Variants in PREX2 observed in about 807,000 individuals in gnomAD.
PREX2 encodes phosphatidylinositol-3,4,5-trisphosphate dependent Rac exchange factor 2.
In PREX2, 107 loss-of-function variants were observed where a neutral mutation model predicts 203.2. The observed-to-expected ratio is 0.53, with a 90% CI of 0.45 to 0.62. The LOEUF is 0.62. Ranked by LOEUF, PREX2 falls within the 20% of genes least tolerant of loss-of-function variation. The pLI is 0.00. For missense variants in PREX2, 1,777 were observed against 1,955.9 expected (o/e 0.91, Z 1.72); for synonymous variants, 672 against 663.6 (o/e 1.01, Z -0.19).
intron 37 of PREX2, among the ~76,000 whole-genome samples, chr8:68,193,299 A>G (rs912035286): frequency 6.6e-6 from 1 of 152,210 alleles, no homozygotes; most frequent in Non-Finnish European, 1.5e-5. Flanking sequence ...GTCATGAGAC[A>G]GCCTCTTCTT....
chr8:68,124,810 T>C (rs114286246), intron 30 of PREX2, among the ~76,000 whole-genome samples: 1,563 of 152,194 alleles, frequency 0.01, 33 homozygotes, highest in African/African-American at 0.036. Flanking sequence ...ATTGATGGAT[T>C]GATTGATATG....
intron 1 of PREX2, among the ~76,000 whole-genome samples, chr8:67,968,022 ATG>A (rs1805823091): frequency 1.3e-5 from 2 of 151,572 alleles, no homozygotes; most frequent in African/African-American, 4.9e-5. Flanking sequence ...AGGTATGCAT[ATG>A]TAACAAACCT....
At position 68,192,327 on chromosome 8, in the gene PREX2, TTCTGCAGCTAATGAGGCC is replaced by T; in HGVS notation, c.4414-4_4427del. 1 of 1,576,142 alleles carries T rather than the reference TTCTGCAGCTAATGAGGCC, an allele frequency of 6.3e-7. No individual in the cohort carries two copies. The highest frequency in any genetic ancestry group is 1.7e-4 in the Middle Eastern group (1 of 5,872). ...TTGAACTTGACGTTCATCACTTTTT[TTCTGCAGCTAATGAGGCC>T]TCTCAACGCTTTGGATGAACTTTAC... On this transcript the variant is annotated splice_acceptor_variant and splice_polypyrimidine_tract_variant and coding_sequence_variant and intron_variant, in exon 37 of 40. Transcript: ENST00000288368. LOFTEE classifies it high-confidence loss of function.
chr8:68,179,908 G>GA (rs201566286), intron 35 of PREX2, among the ~76,000 whole-genome samples: 3 of 151,768 alleles, frequency 2.0e-5, no homozygotes, highest in African/African-American at 4.8e-5. Flanking sequence ...AAGAACAAGT[G>GA]AAAAAAAATC....
chr8:68,065,736 A>G (rs1257710750), intron 11 of PREX2, among the ~76,000 whole-genome samples: 2 of 152,212 alleles, frequency 1.3e-5, no homozygotes, highest in Non-Finnish European at 2.9e-5. Flanking sequence ...TCTTCTACAA[A>G]TGTTGCATTC....
At chr8:68,208,159 G>T (rs181598579) in intron 37 of PREX2, among the ~76,000 whole-genome samples, 130 of 152,282 alleles carry the variant, frequency 8.5e-4, no homozygotes, top group Non-Finnish European at 1.2e-3. Context: ...GGCAGGAGAT[G>T]ATATTAGTGC....
Position 67,964,090 on chromosome 8 carries a change from A to G in PREX2, c.141+11555A>G, listed in dbSNP as rs547719175. The stretch of plus-strand genomic sequence containing the variant: ...TTAGAGAAGGTGGGGGAACCAGTAT[A>G]GTAGGGTGTTGTCCTTTTCCCTATG... On this transcript the variant is annotated intron_variant, in intron 1 of 39. Transcript: ENST00000288368. Among the ~76,000 whole-genome samples the G allele has an allele frequency of 3.9e-5, 6 of 152,322 alleles. No homozygotes were observed. The South Asian group carries it at 1.2e-3, about 32-fold the overall frequency.
chr8:68,001,493 G>T (rs935957876), intron 1 of PREX2, among the ~76,000 whole-genome samples: 4 of 152,178 alleles, frequency 2.6e-5, no homozygotes, highest in African/African-American at 9.7e-5. Context: ...CACACTGTTG[G>T]TGGGAGTGTG....
chr8:67,990,484 G>A (rs552584206), intron 1 of PREX2, among the ~76,000 whole-genome samples: 4 of 149,152 alleles, frequency 2.7e-5, no homozygotes, highest in South Asian at 4.3e-4. Context: ...TTTTAAAAAC[G>A]TGCTCCCAGG....
At chr8:67,972,065 G>A (rs73256060) in intron 1 of PREX2, among the ~76,000 whole-genome samples, 2,133 of 152,302 alleles carry the variant, frequency 0.014, 50 homozygotes, top group African/African-American at 0.043. Flanking sequence ...ACTGATTTCT[G>A]TAAAGCCACT....
chr8:68,099,575 A>G, intron 22 of PREX2, 107 bp from the exon 23 acceptor site: 1 of 1,075,548 alleles, frequency 9.3e-7, no homozygotes, highest in Non-Finnish European at 1.3e-6. Flanking sequence ...TGAAAATTTG[A>G]TATGGCTACT....
intron 3 of PREX2, 24 bp downstream of exon 3, chr8:68,019,695 T>C (rs777545518): frequency 6.3e-7 from 1 of 1,591,796 alleles, no homozygotes; most frequent in South Asian, 1.2e-5. Context: ...CTTTTTATTT[T>C]AAAAGTTCTT....
At chr8:68,053,293 T>A in intron 9 of PREX2, 47 bp downstream of exon 9, 1 of 1,585,736 alleles carries the variant, frequency 6.3e-7, no homozygotes, top group Non-Finnish European at 8.6e-7. Context: ...AGACTCTAAC[T>A]TAGCATAGGA....
chr8:68,146,358 C>G lies in PREX2; in HGVS notation c.4231+6C>G. 1 of 1,607,858 alleles carries G rather than the reference C, an allele frequency of 6.2e-7. No homozygotes were observed. Among genetic ancestry groups the G allele is most frequent in the Non-Finnish European group, 8.5e-7 (1 of 1,177,040 alleles). ...TCCTGTTCTTTTTGCACAAGGTAAA[C>G]TGTTTCTCTTTTGATGGCTGCTATA... On this transcript the variant is annotated splice_donor_region_variant and intron_variant, in intron 34 of 39. Transcript: ENST00000288368.
chr8:68,060,796 T>A lies in PREX2; in HGVS notation c.1339+17T>A. 1 of 1,495,538 alleles carries A rather than the reference T, an allele frequency of 6.7e-7. No homozygotes were observed. The highest frequency in any genetic ancestry group is 9.2e-7 in the Non-Finnish European group (1 of 1,083,916). The allele number at this position is 1,495,538 out of a possible 1,614,324, so 92.6% of individuals were successfully genotyped here. A position where few individuals can be genotyped will look rare whatever the true frequency, so the allele number is the denominator to read the frequency against. Reference sequence around the variant, plus strand: ...TTCACCATGGTAATTACTTTATTATTAATTACTTATTTAATGCATTTATTG... The same window carrying A: ...TTCACCATGGTAATTACTTTATTATAAATTACTTATTTAATGCATTTATTG... On this transcript the variant is annotated intron_variant, in intron 11 of 39. Transcript: ENST00000288368.
intron 5 of PREX2, among the ~76,000 whole-genome samples, chr8:68,030,122 T>C (rs1489037426): frequency 6.6e-6 from 1 of 152,160 alleles, no homozygotes; most frequent in African/African-American, 2.4e-5. Flanking sequence ...TAAAGATTTG[T>C]TATTCTGTTA....
chr8:67,975,849 G>A (rs1400520226), intron 1 of PREX2, among the ~76,000 whole-genome samples: 3 of 150,172 alleles, frequency 2.0e-5, no homozygotes, highest in African/African-American at 7.3e-5. Context: ...GACTACAGGC[G>A]TGTGCCACCA....
At chr8:68,208,910 G>A (rs969105973) in intron 37 of PREX2, among the ~76,000 whole-genome samples, 45 of 151,804 alleles carry the variant, frequency 3.0e-4, no homozygotes, top group African/African-American at 9.2e-4. Context: ...ACAACATAGC[G>A]AGACCCTATC....
At chr8:68,083,663 A>G (rs1212374599) in intron 18 of PREX2, among the ~76,000 whole-genome samples, 1 of 152,276 alleles carries the variant, frequency 6.6e-6, no homozygotes, top group African/African-American at 2.4e-5. Flanking sequence ...GGGTTTTACT[A>G]TGAGTGAAGA....
Sources: allele counts gnomAD v4.1 joint callset (sites outside exome capture counted in the v4.1 genomes callset), GRCh38; gene constraint gnomAD v4.1.1; transcripts MANE v1.5; gene names NCBI Gene and HGNC (gene_info 2026-07-23, HGNC 2026-07-21).